The following NANOS3 variants were observed in gnomAD, a reference collection of about 807,000 sequenced individuals.
The protein encoded by NANOS3 is nanos homolog 3.
Under a neutral mutation model 13.8 loss-of-function variants are expected in NANOS3, and 11 were observed. The ratio of observed to expected loss-of-function variants is 0.80; its 90% CI spans 0.50 to 1.32. The LOEUF (loss-of-function observed/expected upper bound fraction) is 1.32, where lower values mean the gene tolerates loss of function less well. Ranked by LOEUF, NANOS3 falls within the 40% of genes most tolerant of loss-of-function variation. The pLI is 0.00. For missense variants in NANOS3, 221 were observed against 263.8 expected (o/e 0.84, Z 1.12); for synonymous variants, 119 against 115.4 (o/e 1.03, Z -0.20).
At chr19:13,870,054 ATT>A (rs112665118) in intron 1 of NANOS3, among the ~76,000 whole-genome samples, 348 of 144,600 alleles carry the variant, frequency 2.4e-3, no homozygotes, top group African/African-American at 8.2e-3. Flanking sequence ...TTCTTCAACT[ATT>A]TTTTTTTTTT....
In NANOS3 at chr19:13,867,845, C is replaced by G. The variant is rs146684043; in HGVS notation, n.21+2408C>G. 9.9e-5 allele frequency among the ~76,000 whole-genome samples: 15 copies of G among 152,210 alleles called. No homozygotes were observed. In the East Asian group the frequency reaches 2.9e-3, roughly 29 times the overall value. On this transcript the variant is annotated intron_variant and non_coding_transcript_variant, in intron 1 of 2. Coordinates refer to the NANOS3 transcript ENST00000591161. Reference sequence around the variant, plus strand: ...ACCCACAAAGATATATGAGCACGAACCCAGTGGCCATATGCCCATCGTCAC... The same window carrying G: ...ACCCACAAAGATATATGAGCACGAAGCCAGTGGCCATATGCCCATCGTCAC...
upstream of NANOS3, among the ~76,000 whole-genome samples, chr19:13,864,363 C>A (rs1976199649): frequency 2.0e-5 from 3 of 151,960 alleles, no homozygotes; most frequent in Admixed American, 2.0e-4. Flanking sequence ...CCCACGTGCC[C>A]CTGAATTGCG....
rs887965197 is a variant in NANOS3 at position 13,877,424 on chromosome 19, G to C, written c.176G>C (p.Gly59Ala). ...GCGCCGGAGTCGGTGCCAGTGCCGGGACCCAAGGATCAGAAGCGCAGCCTG... is the reference window on the plus strand; with the variant it reads ...GCGCCGGAGTCGGTGCCAGTGCCGGCACCCAAGGATCAGAAGCGCAGCCTG... ...MPAPESVPVP[G>A]PKDQKRSLES... is the part of the protein sequence containing the mutation. Residue 59 changes from glycine (G) to alanine (A), a missense_variant, in exon 1 of 2, where the codon GGA becomes GCA. Physicochemically the swap from Gly to Ala is moderately conservative, Grantham distance 60. Coordinates refer to ENST00000339133, the MANE Select transcript of NANOS3 (RefSeq NM_001098622.3). 1.2e-6 allele frequency: 2 copies of C among 1,612,264 alleles called. No individual in the cohort carries two copies. Among genetic ancestry groups the C allele is most frequent in the Non-Finnish European group, 8.5e-7 (1 of 1,179,990 alleles).
chr19:13,871,997 T>TCAAAA (rs370684179), intron 1 of NANOS3, among the ~76,000 whole-genome samples: 19 of 151,276 alleles, frequency 1.3e-4, no homozygotes, highest in South Asian at 8.4e-4. Flanking sequence ...AGACCCCGTC[T>TCAAAA]CAAAACAAAA....
intron 1 of NANOS3, among the ~76,000 whole-genome samples, chr19:13,868,693 A>AC (rs1199631197): frequency 6.6e-6 from 1 of 150,918 alleles, no homozygotes; most frequent in African/African-American, 2.4e-5. Context: ...TAAAAAAAAA[A>AC]AAAAGAATGA....
At chr19:13,876,298 C>T (rs559622455), upstream of NANOS3, among the ~76,000 whole-genome samples, 148 of 139,582 alleles carry the variant, frequency 1.1e-3, 1 homozygote, top group East Asian at 0.028. Flanking sequence ...GCCACCATGC[C>T]CAGCTAATTT....
chr19:13,867,577 T>A (rs912932633), intron 1 of NANOS3, among the ~76,000 whole-genome samples: 10 of 152,048 alleles, frequency 6.6e-5, no homozygotes, highest in Admixed American at 2.6e-4. Flanking sequence ...TGTTTTGTTT[T>A]TTGAGACAGG....
At chr19:13,864,329 G>A (rs1005426705), upstream of NANOS3, among the ~76,000 whole-genome samples, 3 of 152,088 alleles carry the variant, frequency 2.0e-5, no homozygotes, top group Non-Finnish European at 4.4e-5. Context: ...ATATGCTTGT[G>A]CCTCATGGTC....
upstream of NANOS3, among the ~76,000 whole-genome samples, chr19:13,872,749 C>T (rs997192786): frequency 6.6e-6 from 1 of 152,184 alleles, no homozygotes; most frequent in African/African-American, 2.4e-5. Context: ...TCAGGCCCCC[C>T]CACTCCACAG....
intron 1 of NANOS3, among the ~76,000 whole-genome samples, chr19:13,867,488 T>A (rs1005169813): frequency 1.4e-5 from 2 of 145,168 alleles, no homozygotes; most frequent in African/African-American, 5.0e-5. Context: ...CGTCTCAAAC[T>A]CGTTGAGCTC....
Position 13,877,192 on chromosome 19 carries a change from G to A in NANOS3, c.-57G>A, listed in dbSNP as rs1467615816. The A allele has an allele frequency of 8.1e-6, 12 of 1,474,964 alleles. No individual in the cohort carries two copies. The highest frequency in any genetic ancestry group is 1.0e-5 in the Non-Finnish European group (11 of 1,077,546). 91.4% of individuals were successfully genotyped at this position (1,474,964 alleles called of 1,614,324 possible). A position where few individuals can be genotyped will look rare whatever the true frequency, so the allele number is the denominator to read the frequency against. ...GAGGGGTCAGAAGGAGGGAGCTTAA[G>A]CCAGGCAGGGTTACTTGTCTCTGTG... On this transcript the variant is annotated 5_prime_UTR_variant, in exon 1 of 2. Transcript: ENST00000339133.
chr19:13,880,599 C>G lies in NANOS3; in HGVS notation c.*96C>G, dbSNP rs1403723645. On this transcript the variant is annotated 3_prime_UTR_variant, in exon 2 of 2. Coordinates refer to ENST00000339133, the MANE Select transcript of NANOS3 (RefSeq NM_001098622.3). ...CTGCCCCCACTCCCAGACCCTCCCC[C>G]CAGCCTGGGATTGAGCCCTGGGGAT... 9.4e-7 allele frequency: 1 copy of G among 1,059,192 alleles called. No individual in the cohort carries two copies. Among genetic ancestry groups the G allele is most frequent in the African/African-American group, 1.6e-5 (1 of 64,154 alleles). The allele number at this position is 1,059,192 out of a possible 1,614,324, so 65.6% of individuals were successfully genotyped here.
At chr19:13,863,839 G>A (rs1009871757), upstream of NANOS3, among the ~76,000 whole-genome samples, 8 of 152,066 alleles carry the variant, frequency 5.3e-5, no homozygotes, top group African/African-American at 9.7e-5. Flanking sequence ...GCAGCTGGAC[G>A]ATGTGGGAGG....
At chr19:13,870,600 C>T (rs951084523) in intron 1 of NANOS3, among the ~76,000 whole-genome samples, 2 of 126,952 alleles carry the variant, frequency 1.6e-5, no homozygotes, top group African/African-American at 6.0e-5. Context: ...CGGAGTCTCA[C>T]TCTGTCACTC....
chr19:13,864,634 G>A (rs771468295), upstream of NANOS3, among the ~76,000 whole-genome samples: 34 of 152,002 alleles, frequency 2.2e-4, no homozygotes, highest in Non-Finnish European at 4.3e-4. Context: ...GTATGTTGGG[G>A]GGTATATCTC....
chr19:13,869,953 G>T (rs1976301381), intron 1 of NANOS3, among the ~76,000 whole-genome samples: 1 of 152,214 alleles, frequency 6.6e-6, no homozygotes, highest in Middle Eastern at 3.4e-3. Context: ...GGACTTCACA[G>T]TCAAGACTTC....
chr19:13,866,170 C>A (rs1374606684), intron 1 of NANOS3, among the ~76,000 whole-genome samples: 1 of 152,166 alleles, frequency 6.6e-6, no homozygotes, highest in East Asian at 1.9e-4. Context: ...CCAAAACTGG[C>A]CATAAAAAGG....
chr19:13,870,677 C>T (rs1377512936), intron 1 of NANOS3, among the ~76,000 whole-genome samples: 35 of 148,802 alleles, frequency 2.4e-4, no homozygotes, highest in African/African-American at 8.2e-4. Flanking sequence ...AAGCAATTCT[C>T]GTGCCTCAGC....
At chr19:13,874,415 A>AGG (rs990897730), upstream of NANOS3, among the ~76,000 whole-genome samples, 1 of 152,154 alleles carries the variant, frequency 6.6e-6, no homozygotes, top group East Asian at 1.9e-4. Context: ...CAGTTGACAA[A>AGG]GGGGGGTAAT....
Sources: allele counts gnomAD v4.1 joint callset (sites outside exome capture counted in the v4.1 genomes callset), GRCh38; gene constraint gnomAD v4.1.1; transcripts MANE v1.5; gene names NCBI Gene and HGNC (gene_info 2026-07-23, HGNC 2026-07-21).